Variants in SMARCC1 observed in about 807,000 individuals in gnomAD.
SMARCC1 encodes SWI/SNF related BAF chromatin remodeling complex subunit C1, also known as SWI/SNF complex subunit SMARCC1.
A neutral mutation model predicts 147.4 loss-of-function variants in SMARCC1; 43 were observed. That is an observed-to-expected ratio of 0.29 (90% confidence interval 0.23 to 0.38). The LOEUF (loss-of-function observed/expected upper bound fraction) is 0.38. Among genes scored for constraint, SMARCC1 ranks in the 10% least tolerant of loss-of-function variants. SMARCC1 has a pLI of 1.00. For missense variants in SMARCC1, 1,119 were observed against 1,381.1 expected (o/e 0.81, Z 3.01); for synonymous variants, 495 against 484.4 (o/e 1.02, Z -0.29).
chr3:47,779,608 A>C (rs770505679), intron 1 of SMARCC1, among the ~76,000 whole-genome samples: 1 of 152,192 alleles, frequency 6.6e-6, no homozygotes, highest in Non-Finnish European at 1.5e-5. Flanking sequence ...AGTGGTCTCA[A>C]TACTGCTGGG....
intron 3 of SMARCC1, among the ~76,000 whole-genome samples, chr3:47,745,349 CCTT>C (rs2034553490): frequency 6.6e-6 from 1 of 152,306 alleles, no homozygotes; most frequent in African/African-American, 2.4e-5. Context: ...GGCAAGCCTA[CCTT>C]CTAATTTGCT....
chr3:47,778,279 G>GTT (rs528243088), intron 1 of SMARCC1, among the ~76,000 whole-genome samples: 3 of 149,580 alleles, frequency 2.0e-5, no homozygotes, highest in African/African-American at 7.4e-5. Context: ...AATTAATCTG[G>GTT]TTTTTTTTTG....
intron 25 of SMARCC1, among the ~76,000 whole-genome samples, chr3:47,617,825 A>G (rs1288911008): frequency 6.6e-6 from 1 of 152,194 alleles, no homozygotes; most frequent in African/African-American, 2.4e-5. Flanking sequence ...ACTGAAAACT[A>G]TTCACCTAAC....
At chr3:47,600,715 C>CT (rs1472497896) in intron 26 of SMARCC1, among the ~76,000 whole-genome samples, 1 of 152,100 alleles carries the variant, frequency 6.6e-6, no homozygotes, top group Non-Finnish European at 1.5e-5. Context: ...TTTAAGAAGA[C>CT]TCAGGAGAAG....
intron 11 of SMARCC1, among the ~76,000 whole-genome samples, chr3:47,695,573 C>A (rs1317240856): frequency 1.3e-5 from 2 of 151,738 alleles, no homozygotes; most frequent in Non-Finnish European, 2.9e-5. Context: ...TCAAGACCAG[C>A]CTGGCCAACG....
chr3:47,630,493 T>C (rs2032871818), intron 24 of SMARCC1, among the ~76,000 whole-genome samples: 1 of 152,096 alleles, frequency 6.6e-6, no homozygotes, highest in Non-Finnish European at 1.5e-5. Context: ...GAAGCAATAA[T>C]CCAGCTGGCA....
chr3:47,756,943 A>G (rs2034705276), intron 2 of SMARCC1, among the ~76,000 whole-genome samples: 2 of 152,152 alleles, frequency 1.3e-5, no homozygotes, highest in South Asian at 4.1e-4. Context: ...CCAATGAACC[A>G]TATCCAGAAT....
Position 47,610,310 on chromosome 3 carries a change from C to T in SMARCC1, c.2799G>A (p.Gln933=). The T allele has an allele frequency of 6.2e-7, 1 of 1,614,186 alleles. No individual in the cohort carries two copies. Among genetic ancestry groups the T allele is most frequent in the Non-Finnish European group, 8.5e-7 (1 of 1,180,024 alleles). Residue 933 remains glutamine (Q), a synonymous_variant, in exon 26 of 28, where the codon CAG becomes CAA. Transcript: ENST00000254480. ...REKEALEQQR[Q]QLLTERQNFH... is the part of the protein sequence containing the mutation. ...AGTTTTGGCGTTCAGTAAGCAACTGCTGCCTCTGTTGTTCTAGCTGTAAGC... is the reference window on the plus strand; with the variant it reads ...AGTTTTGGCGTTCAGTAAGCAACTGTTGCCTCTGTTGTTCTAGCTGTAAGC...
intron 24 of SMARCC1, among the ~76,000 whole-genome samples, chr3:47,630,398 G>A (rs1193269468): frequency 6.6e-6 from 1 of 152,138 alleles, no homozygotes; most frequent in African/African-American, 2.4e-5. Flanking sequence ...ACTGTTGTGT[G>A]GCCTAGCTCC....
chr3:47,754,502 G>A (rs910760797), intron 2 of SMARCC1, among the ~76,000 whole-genome samples: 1 of 152,050 alleles, frequency 6.6e-6, no homozygotes, highest in African/African-American at 2.4e-5. Flanking sequence ...CTCCTGGCCT[G>A]AACTTTACTC....
At chr3:47,675,432 A>G in intron 18 of SMARCC1, 43 bp downstream of exon 18, 1 of 927,556 alleles carries the variant, frequency 1.1e-6, no homozygotes, top group Non-Finnish European at 1.8e-6. Flanking sequence ...TAGAAGGACT[A>G]AGATGTGCTG....
intron 6 of SMARCC1, 152 bp downstream of exon 6, chr3:47,728,873 T>C (rs2034333769): frequency 4.6e-6 from 2 of 439,330 alleles, no homozygotes; most frequent in African/African-American, 4.1e-5. Flanking sequence ...ATCGCGCCAC[T>C]GCACTCCAGC....
chr3:47,592,608 T>C (rs2032202499), intron 26 of SMARCC1, among the ~76,000 whole-genome samples: 2 of 152,188 alleles, frequency 1.3e-5, no homozygotes, highest in Admixed American at 1.3e-4. Context: ...TTGTTTTGTT[T>C]TGTTGAGACA....
At chr3:47,751,729 A>G (rs2034631645) in intron 2 of SMARCC1, among the ~76,000 whole-genome samples, 1 of 152,072 alleles carries the variant, frequency 6.6e-6, no homozygotes, top group East Asian at 1.9e-4. Context: ...ATAAATAAAA[A>G]GGAATAGACG....
intron 25 of SMARCC1, among the ~76,000 whole-genome samples, chr3:47,615,646 G>A (rs765309693): frequency 3.3e-5 from 5 of 152,044 alleles, no homozygotes; most frequent in Non-Finnish European, 7.4e-5. Flanking sequence ...TTCCCTAATA[G>A]TCCCTCTTTT....
At chr3:47,697,425 C>T (rs977239005) in intron 11 of SMARCC1, among the ~76,000 whole-genome samples, 9 of 151,596 alleles carry the variant, frequency 5.9e-5, no homozygotes, top group Non-Finnish European at 8.8e-5. Flanking sequence ...CTCAGCCTCC[C>T]GAGTAGCCTG....
chr3:47,648,716 C>T (rs1185680599), intron 21 of SMARCC1, among the ~76,000 whole-genome samples: 2 of 151,962 alleles, frequency 1.3e-5, no homozygotes, highest in South Asian at 2.1e-4. Flanking sequence ...TTCTTATAGC[C>T]CTTCCTGTGT....
rs936644833 is a variant in SMARCC1, at chr3:47,650,453, C to T, written c.2320+10841G>A. 4.6e-5 allele frequency among the ~76,000 whole-genome samples: 7 copies of T among 151,878 alleles called. 1 individual carries two copies. The highest frequency in any genetic ancestry group is 8.8e-5 in the Non-Finnish European group (6 of 67,962). Reference sequence around the variant, plus strand: ...GTAAGTAAACAAACTACAAGATAGGCGATTTTGTTTAGTTTCCAAGTCATG... The same window carrying T: ...GTAAGTAAACAAACTACAAGATAGGTGATTTTGTTTAGTTTCCAAGTCATG... On this transcript the variant is annotated intron_variant, in intron 21 of 27. Coordinates refer to ENST00000254480, the MANE Select transcript of SMARCC1 (RefSeq NM_003074.4).
intron 21 of SMARCC1, among the ~76,000 whole-genome samples, chr3:47,657,355 T>G (rs1559636690): frequency 6.6e-6 from 1 of 152,058 alleles, no homozygotes. Context: ...AATACGGAAA[T>G]CACACAAATT....
Sources: allele counts gnomAD v4.1 joint callset (sites outside exome capture counted in the v4.1 genomes callset), GRCh38; gene constraint gnomAD v4.1.1; transcripts MANE v1.5; gene names NCBI Gene and HGNC (gene_info 2026-07-23, HGNC 2026-07-21).